The following HYKK variants were observed in gnomAD, a reference collection of about 807,000 sequenced individuals.
HYKK encodes the protein 5-hydroxy-L-lysine kinase.
A neutral mutation model predicts 29.7 loss-of-function variants in HYKK; 19 were observed. That is an observed-to-expected ratio of 0.64 (90% confidence interval 0.45 to 0.94). The LOEUF is 0.94. HYKK is among the 40% of genes least tolerant of loss of function. HYKK has a pLI of 0.00. For synonymous variants in HYKK, 152 were observed against 158.1 expected (o/e 0.96, Z 0.29); for missense variants, 390 against 443.4 (o/e 0.88, Z 1.08).
intron 3 of HYKK, among the ~76,000 whole-genome samples, chr15:78,526,933 C>G (rs12902493): frequency 0.31 from 47,579 of 151,882 alleles, 8,495 homozygotes; most frequent in Non-Finnish European, 0.42. Context: ...TGAAGCAGCA[C>G]ATCTCTTGTG....
intron 1 of HYKK, 134 bp from the exon 2 acceptor site, chr15:78,512,950 T>C: frequency 1.7e-6 from 1 of 604,046 alleles, no homozygotes. Context: ...CTTTTTAACT[T>C]TATGAGTAAA....
intron 3 of HYKK, among the ~76,000 whole-genome samples, chr15:78,523,422 C>A (rs539382730): frequency 7.2e-5 from 11 of 152,262 alleles, no homozygotes; most frequent in African/African-American, 2.4e-4. Context: ...AGAAACCACC[C>A]CCATGATCCA....
intron 1 of HYKK, among the ~76,000 whole-genome samples, chr15:78,510,119 TTTC>T (rs2052057758): frequency 7.4e-6 from 1 of 135,908 alleles, no homozygotes; most frequent in South Asian, 2.3e-4. Context: ...CTCTTTCTTC[TTTC>T]TTTTCTTTCT....
At chr15:78,524,313 C>T (rs1596032380) in intron 3 of HYKK, among the ~76,000 whole-genome samples, 2 of 152,252 alleles carry the variant, frequency 1.3e-5, no homozygotes, top group Non-Finnish European at 2.9e-5. Context: ...TTCTAGCTTG[C>T]GCTTTCTGAA....
chr15:78,513,215 TATGATGA>T lies in HYKK; in HGVS notation c.128_134del (p.Tyr43SerfsTer22). ...TTCCAAGGTCCGGCCACTTCCTAGC[TATGATGA>T]CCAAAACTTTCATGTCTACGTTTCA... On this transcript the variant is annotated frameshift_variant, in exon 2 of 5. Transcript: ENST00000388988. LOFTEE classifies it high-confidence loss of function. The T allele has an allele frequency of 6.2e-7, 1 of 1,614,212 alleles. No individual in the cohort carries two copies. Among genetic ancestry groups the T allele is most frequent in the Non-Finnish European group, 8.5e-7 (1 of 1,180,038 alleles).
chr15:78,519,843 C>CTACT (rs1351250906), intron 3 of HYKK, among the ~76,000 whole-genome samples: 1 of 152,202 alleles, frequency 6.6e-6, no homozygotes, highest in Non-Finnish European at 1.5e-5. Flanking sequence ...AGACTTAAAC[C>CTACT]TACTATTGAG....
rs71148531 is a variant in HYKK, at chr15:78,508,880, C to CAAAA, written c.-6+1226_-6+1229dup. ...GCAACATAGTGGGACCCTCTCTCTC[C>CAAAA]AAAAAAAAAAAAAAAAAAAAGGCCA... On this transcript the variant is annotated intron_variant, in intron 1 of 4. Coordinates refer to ENST00000388988, the MANE Select transcript of HYKK (RefSeq NM_001013619.4). Among the ~76,000 whole-genome samples the CAAAA allele has an allele frequency of 1.1e-4, 6 of 55,610 alleles. 1 individual carries two copies. Among genetic ancestry groups the CAAAA allele is most frequent in the African/African-American group, 2.2e-4 (3 of 13,526 alleles). The allele number at this position is 55,610 out of a possible 152,430, so 36.5% of individuals were successfully genotyped here. A position where few individuals can be genotyped will look rare whatever the true frequency, so the allele number is the denominator to read the frequency against.
chr15:78,508,022 C>G (rs1413516824), intron 1 of HYKK, among the ~76,000 whole-genome samples: 4 of 152,330 alleles, frequency 2.6e-5, no homozygotes, highest in Middle Eastern at 3.4e-3. Context: ...TCCGCTGAAC[C>G]TCACTTACTC....
In HYKK at chr15:78,527,405, G is replaced by C; in HGVS notation, c.503G>C (p.Ser168Thr). 1 of 1,613,762 alleles carries C rather than the reference G, an allele frequency of 6.2e-7. No homozygotes were observed. Among genetic ancestry groups the C allele is most frequent in the Non-Finnish European group, 8.5e-7 (1 of 1,179,852 alleles). Residue 168 changes from serine (S) to threonine (T), a missense_variant, in exon 4 of 5, where the codon AGT (serine) becomes ACT (threonine). By Grantham distance (58) the Ser-to-Thr change is moderately conservative. Coordinates refer to ENST00000388988, the MANE Select transcript of HYKK (RefSeq NM_001013619.4). The part of the protein sequence containing the change: ...LQRFHHPKLS[S>T]LHRENFIWNL... ...AGATTCCATCACCCAAAGTTAAGTA[G>C]TCTTCATCGGGAGAACTTCATCTGG...
At chr15:78,527,618 TATC>T (rs1182707305) in intron 4 of HYKK, 55 bp downstream of exon 4, 2 of 1,595,114 alleles carry the variant, frequency 1.3e-6, no homozygotes, top group Non-Finnish European at 1.7e-6. Flanking sequence ...TCCAATTTCA[TATC>T]ATCAGAAAAG....
At chr15:78,522,436 G>A (rs1042050770) in intron 3 of HYKK, among the ~76,000 whole-genome samples, 2 of 151,346 alleles carry the variant, frequency 1.3e-5, no homozygotes, top group African/African-American at 4.9e-5. Flanking sequence ...GTGTGTGCCT[G>A]TAATCCCAGC....
chr15:78,508,285 C>T (rs2052034552), intron 1 of HYKK, among the ~76,000 whole-genome samples: 1 of 152,134 alleles, frequency 6.6e-6, no homozygotes, highest in South Asian at 2.1e-4. Flanking sequence ...AAATAAGGGA[C>T]TAGCCTAGGG....
intron 3 of HYKK, among the ~76,000 whole-genome samples, chr15:78,516,816 T>C (rs974888254): frequency 6.6e-6 from 1 of 151,796 alleles, no homozygotes; most frequent in Non-Finnish European, 1.5e-5. Context: ...AGGCCAGGAG[T>C]TTGGGACCAG....
chr15:78,519,533 G>A (rs752836921), intron 3 of HYKK, among the ~76,000 whole-genome samples: 7 of 152,198 alleles, frequency 4.6e-5, no homozygotes, highest in Non-Finnish European at 8.8e-5. Context: ...GCCAAGGTAG[G>A]TGGATCACTT....
At chr15:78,518,711 A>T (rs2141357109) in intron 3 of HYKK, 1 of 386,402 alleles carries the variant, frequency 2.6e-6, no homozygotes, top group South Asian at 1.8e-5. Context: ...TGAAGTCAGG[A>T]GTTAGAGACC....
intron 3 of HYKK, among the ~76,000 whole-genome samples, chr15:78,520,005 T>C (rs2052175591): frequency 6.6e-6 from 1 of 152,164 alleles, no homozygotes; most frequent in Admixed American, 6.5e-5. Flanking sequence ...TAGAGGGAAA[T>C]AGCACCACAT....
chr15:78,534,570 C>T lies in HYKK; in HGVS notation c.*900C>T, dbSNP rs12916999. On this transcript the variant is annotated 3_prime_UTR_variant, in exon 5 of 5. Coordinates refer to ENST00000388988, the MANE Select transcript of HYKK (RefSeq NM_001013619.4). Reference sequence around the variant, plus strand: ...CCGGCCTCCTCATCCCTTCTTATCACACCTGCTATTATAGTGCCTTTCCTA... The same window carrying T: ...CCGGCCTCCTCATCCCTTCTTATCATACCTGCTATTATAGTGCCTTTCCTA... 0.32 allele frequency: 47,951 copies of T among 152,084 alleles called. 8,579 individuals carry two copies. The highest frequency in any genetic ancestry group is 0.42 in the Non-Finnish European group (28,608 of 67,986). 9.4% of individuals were successfully genotyped at this position (152,084 alleles called of 1,614,324 possible).
chr15:78,531,657 G>A (rs770152945), intron 4 of HYKK, among the ~76,000 whole-genome samples: 1 of 151,978 alleles, frequency 6.6e-6, no homozygotes, highest in African/African-American at 2.4e-5. Flanking sequence ...TCAGCCTCCC[G>A]AATAGCTGGG....
intron 3 of HYKK, among the ~76,000 whole-genome samples, chr15:78,525,040 A>C (rs2052235165): frequency 6.6e-6 from 1 of 152,172 alleles, no homozygotes; most frequent in Non-Finnish European, 1.5e-5. Flanking sequence ...AGGCTACGTG[A>C]CTATTTAGCA....
Sources: gnomAD v4.1 joint callset for allele counts (sites outside exome capture counted in the v4.1 genomes callset) on GRCh38, gnomAD v4.1.1 for gene constraint, MANE v1.5 for transcripts, NCBI Gene and HGNC (gene_info 2026-07-23, HGNC 2026-07-21) for gene names.